The following LRRC4C variants were observed in gnomAD, a reference collection of about 807,000 sequenced individuals.
LRRC4C encodes the protein leucine rich repeat containing 4C, also known as leucine-rich repeat-containing protein 4C.
A neutral mutation model predicts 33.6 loss-of-function variants in LRRC4C; 5 were observed. That is an observed-to-expected ratio of 0.15 (90% CI 0.08 to 0.31). The LOEUF is 0.31. Ranked by LOEUF, LRRC4C falls within the 10% of genes least tolerant of loss-of-function variation. The probability of loss-of-function intolerance (pLI) is 1.00; values close to 1 mark genes in which losing one functional copy is unlikely to be tolerated. For synonymous variants in LRRC4C, 329 were observed against 302.0 expected (o/e 1.09, Z -0.93); for missense variants, 560 against 796.7 (o/e 0.70, Z 3.58).
intron 2 of LRRC4C, among the ~76,000 whole-genome samples, chr11:40,916,008 T>C (rs1247922578): frequency 6.6e-6 from 1 of 152,092 alleles, no homozygotes; most frequent in Non-Finnish European, 1.5e-5. Flanking sequence ...TACCAGCTCA[T>C]ACCAGTTAGA....
At chr11:40,865,747 A>T (rs1954332881) in intron 2 of LRRC4C, among the ~76,000 whole-genome samples, 1 of 151,952 alleles carries the variant, frequency 6.6e-6, no homozygotes, top group Non-Finnish European at 1.5e-5. Context: ...CTTTTTAAAG[A>T]GCATAAACCT....
intron 3 of LRRC4C, among the ~76,000 whole-genome samples, chr11:40,417,643 T>G (rs1950377283): frequency 1.3e-5 from 2 of 152,190 alleles, no homozygotes; most frequent in Admixed American, 1.3e-4. Flanking sequence ...TGAGCCACCA[T>G]GCCTGGCCAA....
chr11:40,834,216 G>C (rs953109724), intron 2 of LRRC4C, among the ~76,000 whole-genome samples: 13 of 152,238 alleles, frequency 8.5e-5, no homozygotes, highest in African/African-American at 2.4e-4. Context: ...GCTCATGCCT[G>C]TAATCCCAGC....
intron 3 of LRRC4C, among the ~76,000 whole-genome samples, chr11:40,388,539 A>T (rs1949206743): frequency 6.6e-6 from 1 of 152,176 alleles, no homozygotes; most frequent in Admixed American, 6.5e-5. Context: ...TCTTGTGGAG[A>T]AAAGAACTTA....
rs186104138 is a variant in LRRC4C at position 40,409,547 on chromosome 11, A to G, written c.-269-89826T>C. ...AAAAACTAAAATGACTCAATAGCAA[A>G]AACAAACAAACAAAACCTGATTAAA... On this transcript the variant is annotated intron_variant, in intron 3 of 6. Transcript: ENST00000528697. 3.3e-5 allele frequency among the ~76,000 whole-genome samples: 5 copies of G among 152,116 alleles called. No homozygotes were observed. The East Asian group carries it at 9.7e-4, about 29-fold the overall frequency.
At chr11:41,112,783 T>C (rs1168196701) in intron 1 of LRRC4C, among the ~76,000 whole-genome samples, 2 of 152,062 alleles carry the variant, frequency 1.3e-5, no homozygotes, top group African/African-American at 2.4e-5. Context: ...AAAAAGAGAG[T>C]CAGAGCACAT....
At chr11:40,499,323 C>T (rs1402453500) in intron 3 of LRRC4C, among the ~76,000 whole-genome samples, 6 of 152,186 alleles carry the variant, frequency 3.9e-5, no homozygotes, top group Non-Finnish European at 8.8e-5. Context: ...TATCACCATA[C>T]TGAGTCAGAA....
intron 3 of LRRC4C, among the ~76,000 whole-genome samples, chr11:40,591,704 G>A (rs1959066768): frequency 6.6e-6 from 1 of 152,216 alleles, no homozygotes; most frequent in African/African-American, 2.4e-5. Flanking sequence ...GAATCCTTGA[G>A]TAGACAAAGG....
intron 2 of LRRC4C, among the ~76,000 whole-genome samples, chr11:40,716,602 A>G (rs2136642476): frequency 6.6e-6 from 1 of 152,314 alleles, no homozygotes; most frequent in Non-Finnish European, 1.5e-5. Flanking sequence ...TCACAGAGAT[A>G]CTAAAGTCAG....
chr11:40,627,276 C>CGAGA (rs10649436), intron 3 of LRRC4C, among the ~76,000 whole-genome samples: 74,087 of 146,006 alleles, frequency 0.51, 18,819 homozygotes, highest in East Asian at 0.73. Flanking sequence ...AGAGAGAGAG[C>CGAGA]GAGAGAGAGA....
At chr11:41,306,379 G>A (rs537849380) in intron 1 of LRRC4C, among the ~76,000 whole-genome samples, 2 of 152,250 alleles carry the variant, frequency 1.3e-5, no homozygotes, top group South Asian at 4.2e-4. Flanking sequence ...GCATTTTAAT[G>A]GTAAAATTGA....
chr11:41,398,985 T>C (rs145091416), intron 1 of LRRC4C, among the ~76,000 whole-genome samples: 2 of 152,038 alleles, frequency 1.3e-5, no homozygotes, highest in East Asian at 3.9e-4. Flanking sequence ...AAAACAGATG[T>C]ACAAAATCTC....
intron 3 of LRRC4C, among the ~76,000 whole-genome samples, chr11:40,403,607 A>G (rs1320022453): frequency 6.6e-6 from 1 of 152,176 alleles, no homozygotes; most frequent in African/African-American, 2.4e-5. Flanking sequence ...ACAGATTATT[A>G]GAACAGAAAG....
At chr11:40,731,766 G>C (rs548386286) in intron 2 of LRRC4C, among the ~76,000 whole-genome samples, 4 of 152,220 alleles carry the variant, frequency 2.6e-5, no homozygotes, top group Admixed American at 6.5e-5. Context: ...AGAAACAGAT[G>C]GGGAAGAAAA....
intron 1 of LRRC4C, among the ~76,000 whole-genome samples, chr11:41,326,176 G>A (rs1271375373): frequency 6.6e-6 from 1 of 152,118 alleles, no homozygotes; most frequent in East Asian, 1.9e-4. Flanking sequence ...GCAGGCAGAA[G>A]AAGATGAAAA....
intron 1 of LRRC4C, among the ~76,000 whole-genome samples, chr11:40,945,839 G>A (rs1958372949): frequency 1.3e-5 from 2 of 152,246 alleles, no homozygotes; most frequent in African/African-American, 4.8e-5. Flanking sequence ...AGGAAACTTT[G>A]TGTGGTTCCC....
intron 1 of LRRC4C, among the ~76,000 whole-genome samples, chr11:41,427,789 T>G (rs1423922569): frequency 6.6e-6 from 1 of 152,160 alleles, no homozygotes; most frequent in Non-Finnish European, 1.5e-5. Flanking sequence ...GGCCTGTTCC[T>G]GCCTTACTGA....
chr11:40,312,178 G>A (rs923822096), intron 4 of LRRC4C, among the ~76,000 whole-genome samples: 11 of 152,068 alleles, frequency 7.2e-5, no homozygotes, highest in African/African-American at 2.4e-4. Context: ...TCTGAGTTGC[G>A]TGAAACTCTT....
intron 1 of LRRC4C, among the ~76,000 whole-genome samples, chr11:41,390,004 G>C (rs984993725): frequency 5.9e-5 from 9 of 151,902 alleles, no homozygotes; most frequent in African/African-American, 2.2e-4. Flanking sequence ...TATTTACCAA[G>C]ATAATGAGGA....
Sources: gnomAD v4.1 joint callset for allele counts (sites outside exome capture counted in the v4.1 genomes callset) on GRCh38, gnomAD v4.1.1 for gene constraint, MANE v1.5 for transcripts, NCBI Gene and HGNC (gene_info 2026-07-23, HGNC 2026-07-21) for gene names.